Variants in CCSER1 observed in about 807,000 individuals in gnomAD.
CCSER1 encodes the protein coiled-coil serine rich protein 1.
In CCSER1, 41 loss-of-function variants were observed where a neutral mutation model predicts 82.0. The ratio of observed to expected loss-of-function variants is 0.50; its 90% CI spans 0.39 to 0.65. CCSER1 has a LOEUF of 0.65. Ranked by LOEUF, CCSER1 falls within the 30% of genes least tolerant of loss-of-function variation. The pLI is 0.00. For synonymous variants in CCSER1, 414 were observed against 383.9 expected (o/e 1.08, Z -0.92); for missense variants, 1,119 against 1,064.2 (o/e 1.05, Z -0.72).
intron 10 of CCSER1, among the ~76,000 whole-genome samples, chr4:91,551,744 G>A (rs541176104): frequency 1.8e-4 from 26 of 147,914 alleles, no homozygotes; most frequent in Middle Eastern, 3.5e-3. Flanking sequence ...ACTTTGCAAT[G>A]TACTACCAGG....
intron 9 of CCSER1, among the ~76,000 whole-genome samples, chr4:91,037,317 C>T (rs899239592): frequency 6.6e-6 from 1 of 151,740 alleles, no homozygotes; most frequent in African/African-American, 2.4e-5. Context: ...GGCTTCTGGC[C>T]CCACCTGGGA....
intron 5 of CCSER1, among the ~76,000 whole-genome samples, chr4:90,501,273 G>A (rs2153611871): frequency 6.6e-6 from 1 of 152,256 alleles, no homozygotes; most frequent in Middle Eastern, 3.4e-3. Flanking sequence ...TGTTGGCTAA[G>A]TAGCTAATTA....
At chr4:91,593,604 G>A (rs572989340) in intron 10 of CCSER1, among the ~76,000 whole-genome samples, 5 of 150,298 alleles carry the variant, frequency 3.3e-5, no homozygotes, top group East Asian at 2.0e-4. Flanking sequence ...GAGCCACAGC[G>A]CCCAGCCCCC....
intron 5 of CCSER1, among the ~76,000 whole-genome samples, chr4:90,504,293 C>T (rs1322964435): frequency 6.6e-6 from 1 of 152,068 alleles, no homozygotes; most frequent in Non-Finnish European, 1.5e-5. Context: ...TATTTATAAG[C>T]CTGTTTGGCA....
In CCSER1 at chr4:91,153,699, CCTTT is replaced by C. The variant is rs1265442679; in HGVS notation, c.2217+67708_2217+67711del. On this transcript the variant is annotated intron_variant, in intron 10 of 10. Coordinates refer to ENST00000509176, the MANE Select transcript of CCSER1 (RefSeq NM_001145065.2). ...ACCGATGGTGTTTTGGTGTGGATGT[CCTTT>C]CTGTTTGTTGATTTTCCTTCTAACA... Among the ~76,000 whole-genome samples the C allele has an allele frequency of 4.6e-5, 7 of 151,942 alleles. 1 individual carries two copies. The highest frequency in any genetic ancestry group is 2.6e-4 in the Admixed American group (4 of 15,274).
At chr4:91,128,228 G>T (rs543672494) in intron 10 of CCSER1, among the ~76,000 whole-genome samples, 1 of 152,030 alleles carries the variant, frequency 6.6e-6, no homozygotes, top group South Asian at 2.1e-4. Flanking sequence ...TCCTCTCTCT[G>T]CAGTGTCAGC....
At position 91,354,467 on chromosome 4, in the gene CCSER1, T is replaced by G. The variant is rs965392563; in HGVS notation, c.2218-244105T>G. Among the ~76,000 whole-genome samples the G allele has an allele frequency of 2.6e-5, 4 of 152,294 alleles. No individual in the cohort carries two copies. The South Asian group carries it at 6.2e-4, about 24-fold the overall frequency. On this transcript the variant is annotated intron_variant, in intron 10 of 10. Transcript: ENST00000509176. Reference sequence around the variant, plus strand: ...GTGGGGCCGTCCAGTCCTGGTGGAATTCTGGGTGGGCCCAAATAGTCTGCA... The same window carrying G: ...GTGGGGCCGTCCAGTCCTGGTGGAAGTCTGGGTGGGCCCAAATAGTCTGCA...
intron 9 of CCSER1, among the ~76,000 whole-genome samples, chr4:91,057,197 C>T (rs2148724536): frequency 6.6e-6 from 1 of 152,236 alleles, no homozygotes; most frequent in Middle Eastern, 3.4e-3. Context: ...GCATAGCTGC[C>T]TGTCTCAGGA....
At chr4:91,219,522 C>T (rs888615774) in intron 10 of CCSER1, among the ~76,000 whole-genome samples, 2 of 151,986 alleles carry the variant, frequency 1.3e-5, no homozygotes, top group Non-Finnish European at 2.9e-5. Context: ...AGGCTGGTCT[C>T]GAACTCCTGA....
chr4:90,797,703 G>A (rs1038583809), intron 7 of CCSER1, among the ~76,000 whole-genome samples: 2 of 152,150 alleles, frequency 1.3e-5, no homozygotes, highest in Admixed American at 6.5e-5. Flanking sequence ...GCTTGTCTGA[G>A]AAAGATCTTA....
chr4:90,171,563 T>C (rs1330765207), intron 1 of CCSER1, among the ~76,000 whole-genome samples: 2 of 151,906 alleles, frequency 1.3e-5, no homozygotes, highest in Non-Finnish European at 2.9e-5. Flanking sequence ...TTAAAAACAC[T>C]TTAGAAGTTT....
chr4:90,300,242 T>G (rs1732839822), intron 1 of CCSER1, among the ~76,000 whole-genome samples: 1 of 152,184 alleles, frequency 6.6e-6, no homozygotes, highest in Non-Finnish European at 1.5e-5. Context: ...CAGTATTATT[T>G]TATGTCATTT....
chr4:91,501,235 TTTC>T (rs1325346747), intron 10 of CCSER1, among the ~76,000 whole-genome samples: 3 of 151,954 alleles, frequency 2.0e-5, no homozygotes, highest in African/African-American at 7.2e-5. Flanking sequence ...ACATCTAGAA[TTTC>T]TTTTTATTTA....
In CCSER1 at chr4:91,557,924, A is replaced by T. The variant is rs1436000834; in HGVS notation, c.2218-40648A>T. ...AATGTAAGCATTTACATATTTATTT[A>T]TACTAAATCATGTTATACTAGGACC... On this transcript the variant is annotated intron_variant, in intron 10 of 10. Transcript: ENST00000509176. Among the ~76,000 whole-genome samples the T allele has an allele frequency of 2.0e-5, 3 of 151,332 alleles. No homozygotes were observed. The South Asian group carries it at 6.2e-4, about 31-fold the overall frequency.
In CCSER1 at chr4:91,249,859, T is replaced by C. The variant is rs1281150145; in HGVS notation, c.2217+163865T>C. Among the ~76,000 whole-genome samples, 4 of 152,082 alleles carry C rather than the reference T, an allele frequency of 2.6e-5. No homozygotes were observed. The South Asian group carries it at 8.3e-4, about 32-fold the overall frequency. The stretch of plus-strand genomic sequence containing the variant: ...GTCAGCTCCTTGAGGGCAGAGATCA[T>C]TTCCTATTAATCTTAACTCCAAGAA... On this transcript the variant is annotated intron_variant, in intron 10 of 10. Transcript: ENST00000509176.
intron 1 of CCSER1, among the ~76,000 whole-genome samples, chr4:90,201,866 T>C (rs945787806): frequency 3.3e-5 from 5 of 152,138 alleles, no homozygotes; most frequent in African/African-American, 1.2e-4. Context: ...AAACACTGTT[T>C]ACTGAAGATT....
chr4:90,715,163 C>T (rs929612147), intron 6 of CCSER1, among the ~76,000 whole-genome samples: 1 of 151,852 alleles, frequency 6.6e-6, no homozygotes, highest in Non-Finnish European at 1.5e-5. Context: ...AATAGATTAC[C>T]AATAATTCTT....
chr4:91,072,926 AT>A (rs1721584581), intron 9 of CCSER1, among the ~76,000 whole-genome samples: 1 of 152,148 alleles, frequency 6.6e-6, no homozygotes, highest in African/African-American at 2.4e-5. Context: ...ATATGTGTAT[AT>A]TTAGAAGTAT....
intron 1 of CCSER1, among the ~76,000 whole-genome samples, chr4:90,263,407 C>G (rs1724688389): frequency 6.6e-6 from 1 of 152,162 alleles, no homozygotes; most frequent in Non-Finnish European, 1.5e-5. Context: ...ATGGAGGTGG[C>G]AGGGGAGTGA....
Sources: gnomAD v4.1 joint callset for allele counts (sites outside exome capture counted in the v4.1 genomes callset) on GRCh38, gnomAD v4.1.1 for gene constraint, MANE v1.5 for transcripts, NCBI Gene and HGNC (gene_info 2026-07-23, HGNC 2026-07-21) for gene names.